Variants in ANKRD30A observed in about 807,000 individuals in gnomAD.
The protein encoded by ANKRD30A is ankyrin repeat domain-containing protein 30A.
Under a neutral mutation model 166.3 loss-of-function variants are expected in ANKRD30A, and 170 were observed. That is an observed-to-expected ratio of 1.02 (90% CI 0.90 to 1.16). ANKRD30A has a LOEUF of 1.16. Among genes scored for constraint, ANKRD30A ranks in the 50% most tolerant of loss-of-function variants. ANKRD30A has a pLI of 0.00. For synonymous variants in ANKRD30A, 564 were observed against 508.9 expected (o/e 1.11, Z -1.46); for missense variants, 1,630 against 1,518.0 (o/e 1.07, Z -1.23).
rs528943138 is a variant in ANKRD30A at position 37,138,477 on chromosome 10, GA to G, written c.820+1814del. Among the ~76,000 whole-genome samples, 40 of 151,972 alleles carry G rather than the reference GA, an allele frequency of 2.6e-4. No homozygotes were observed. In the East Asian group the frequency reaches 5.8e-3, roughly 22 times the overall value. On this transcript the variant is annotated intron_variant, in intron 6 of 35. Transcript: ENST00000361713. Reference sequence around the variant, plus strand: ...CCATGGCAAAGAAGTTAAAAACCTTGAAAAAAAATTAGATGAATGGCTAACT... The same window carrying G: ...CCATGGCAAAGAAGTTAAAAACCTTGAAAAAAATTAGATGAATGGCTAACT...
intron 13 of ANKRD30A, among the ~76,000 whole-genome samples, 172 bp from the exon 14 acceptor site, chr10:37,158,220 C>T (rs1359153147): frequency 6.6e-6 from 1 of 152,142 alleles, no homozygotes; most frequent in African/African-American, 2.4e-5. Context: ...AGGTATATTT[C>T]TGTCACGTTG....
intron 27 of ANKRD30A, among the ~76,000 whole-genome samples, chr10:37,196,838 A>T (rs2891582): frequency 3.9e-5 from 6 of 152,316 alleles, no homozygotes; most frequent in African/African-American, 1.4e-4. Context: ...GATCAATTCA[A>T]AACACTTCAG....
At chr10:37,196,133 A>C (rs1306216757) in intron 27 of ANKRD30A, among the ~76,000 whole-genome samples, 1 of 138,440 alleles carries the variant, frequency 7.2e-6, no homozygotes, top group African/African-American at 2.7e-5. Context: ...CATTCTAGGC[A>C]GGTAACAGGG....
downstream of ANKRD30A, among the ~76,000 whole-genome samples, chr10:37,235,738 GTGAT>G (rs1444939147): frequency 7.0e-6 from 1 of 142,128 alleles, no homozygotes; most frequent in Non-Finnish European, 1.6e-5. Flanking sequence ...CTTTACTATT[GTGAT>G]TGATTTCACT....
Position 37,140,839 on chromosome 10 carries a change from C to T in ANKRD30A, c.821-879C>T, listed in dbSNP as rs748605949. On this transcript the variant is annotated intron_variant, in intron 6 of 35. Coordinates refer to ENST00000361713, the MANE Select transcript of ANKRD30A (RefSeq NM_052997.3). ...TCTTTATTATATATTTATTAAAGGA[C>T]CTCTGTAAGTTAGGTTTTGCAAGTT... Among the ~76,000 whole-genome samples the T allele has an allele frequency of 1.3e-3, 196 of 152,090 alleles. 4 individuals are homozygous for T. Among genetic ancestry groups the T allele is most frequent in the Non-Finnish European group, 9.4e-4 (64 of 67,976 alleles).
chr10:37,255,252 G>C, the ANKRD30A span, among the ~76,000 whole-genome samples: 1 of 152,098 alleles, frequency 6.6e-6, no homozygotes, highest in Non-Finnish European at 1.5e-5. Context: ...AGAATGATAA[G>C]ACACTGGAGA....
chr10:37,227,824 T>A (rs1843231006), intron 34 of ANKRD30A, among the ~76,000 whole-genome samples: 1 of 152,016 alleles, frequency 6.6e-6, no homozygotes, highest in South Asian at 2.1e-4. Flanking sequence ...TTCTATTAAC[T>A]CATTGTAATT....
In ANKRD30A at chr10:37,126,644, A is replaced by T. The variant is rs539874539; in HGVS notation, c.221+636A>T. ...ACCAAATAAAGTTATCAACGTTTTAACATTTTTTAAATTACACAGGCTGTC... is the reference window on the plus strand; with the variant it reads ...ACCAAATAAAGTTATCAACGTTTTATCATTTTTTAAATTACACAGGCTGTC... On this transcript the variant is annotated intron_variant, in intron 1 of 35. Coordinates refer to ENST00000361713, the MANE Select transcript of ANKRD30A (RefSeq NM_052997.3). Among the ~76,000 whole-genome samples, 15 of 152,332 alleles carry T rather than the reference A, an allele frequency of 9.8e-5. 1 individual carries two copies. The South Asian group carries it at 2.7e-3, about 27-fold the overall frequency.
At chr10:37,131,143 G>A (rs559099787) in intron 3 of ANKRD30A, among the ~76,000 whole-genome samples, 2 of 123,696 alleles carry the variant, frequency 1.6e-5, no homozygotes, top group African/African-American at 3.0e-5. Context: ...TATTTGAAAG[G>A]TTATGCATGT....
intron 17 of ANKRD30A, among the ~76,000 whole-genome samples, chr10:37,164,249 G>A (rs1839128493): frequency 1.4e-5 from 2 of 145,382 alleles, no homozygotes; most frequent in South Asian, 2.1e-4. Flanking sequence ...GTTGTAATTT[G>A]TACTTTGTGC....
chr10:37,141,678 T>C, intron 6 of ANKRD30A, 40 bp from the exon 7 acceptor site: 1 of 1,604,952 alleles, frequency 6.2e-7, no homozygotes, highest in Non-Finnish European at 8.5e-7. Flanking sequence ...AGGATGATAT[T>C]TAGTAGAAGG....
chr10:37,137,112 G>T (rs1836752341), intron 6 of ANKRD30A, among the ~76,000 whole-genome samples: 1 of 151,708 alleles, frequency 6.6e-6, no homozygotes, highest in Non-Finnish European at 1.5e-5. Flanking sequence ...GGATGATCAG[G>T]TTATCCAATT....
Position 37,132,246 on chromosome 10 carries a change from C to G in ANKRD30A, c.517C>G (p.Leu173Val). The change falls in exon 4 of 36, where the codon CTC (leucine) becomes GTC (valine). Residue 173 changes from leucine (L) to valine (V), a missense_variant. Transcript: ENST00000361713. ...TTGTTTTGCTATTTTACAGGCTAGCCTCACACCACTTTTACTATCCATAAC... is the reference window on the plus strand; with the variant it reads ...TTGTTTTGCTATTTTACAGGCTAGCGTCACACCACTTTTACTATCCATAAC... ...AVIEVHNKAS[L>V]TPLLLSITKR... The G allele has an allele frequency of 6.3e-7, 1 of 1,585,266 alleles. No individual in the cohort carries two copies. The highest frequency in any genetic ancestry group is 1.4e-5 in the African/African-American group (1 of 73,958).
chr10:37,226,891 T>C (rs1054451524), intron 34 of ANKRD30A, among the ~76,000 whole-genome samples: 1 of 151,886 alleles, frequency 6.6e-6, no homozygotes, highest in Non-Finnish European at 1.5e-5. Context: ...TGTGGTTTTA[T>C]TTGCATTCCC....
At chr10:37,199,676 G>A (rs546758507) in intron 29 of ANKRD30A, 51 bp from the exon 30 acceptor site, 173 of 1,204,088 alleles carry the variant, frequency 1.4e-4, no homozygotes, top group Admixed American at 5.4e-4. Flanking sequence ...TTTTTAAAAT[G>A]TATAGTAGAG....
intron 11 of ANKRD30A, among the ~76,000 whole-genome samples, chr10:37,150,078 C>T (rs753674255): frequency 5.9e-5 from 9 of 151,812 alleles, no homozygotes; most frequent in South Asian, 4.2e-4. Context: ...TTTTGTATCC[C>T]GAAACTGTAA....
chr10:37,203,311 G>A (rs1224195643), intron 31 of ANKRD30A, among the ~76,000 whole-genome samples: 1 of 152,074 alleles, frequency 6.6e-6, no homozygotes, highest in Non-Finnish European at 1.5e-5. Context: ...TTCATCCCTG[G>A]GATGCAAGGC....
rs1351949062 is a variant in ANKRD30A, at chr10:37,132,114, G to T, written c.511-126G>T. ...TGGGAAAGCACAGAAAAGGGAGAAA[G>T]AAGGGACTGCTATTGATTTACTTTC... On this transcript the variant is annotated intron_variant, in intron 3 of 35. Transcript: ENST00000361713. The T allele has an allele frequency of 5.3e-6, 3 of 569,594 alleles. No homozygotes were observed. The East Asian group carries it at 1.0e-4, about 20-fold the overall frequency. 35.3% of individuals were successfully genotyped at this position (569,594 alleles called of 1,614,324 possible).
At chr10:37,130,624 T>C (rs1432703855) in intron 3 of ANKRD30A, among the ~76,000 whole-genome samples, 1 of 152,226 alleles carries the variant, frequency 6.6e-6, no homozygotes, top group Non-Finnish European at 1.5e-5. Flanking sequence ...TCTTCAAATA[T>C]TCTTTCCCAT....
Sources: allele counts gnomAD v4.1 joint callset (sites outside exome capture counted in the v4.1 genomes callset), GRCh38; gene constraint gnomAD v4.1.1; transcripts MANE v1.5; gene names NCBI Gene and HGNC (gene_info 2026-07-23, HGNC 2026-07-21).